The following RAB11FIP4 variants were observed in gnomAD, a reference collection of about 807,000 sequenced individuals.
RAB11FIP4 encodes RAB11 family interacting protein 4, also known as rab11 family-interacting protein 4.
A neutral mutation model predicts 74.3 loss-of-function variants in RAB11FIP4; 23 were observed. The observed-to-expected ratio is 0.31, with a 90% CI of 0.22 to 0.44. The LOEUF (loss-of-function observed/expected upper bound fraction) is 0.44, where lower values mean the gene tolerates loss of function less well. Among genes scored for constraint, RAB11FIP4 ranks in the 20% least tolerant of loss-of-function variants. The pLI is 1.00. For synonymous variants in RAB11FIP4, 360 were observed against 359.9 expected (o/e 1.00, Z 0.00); for missense variants, 630 against 863.9 (o/e 0.73, Z 3.39).
At chr17:31,495,511 T>A (rs1354227945) in intron 3 of RAB11FIP4, among the ~76,000 whole-genome samples, 1 of 151,570 alleles carries the variant, frequency 6.6e-6, no homozygotes, top group Non-Finnish European at 1.5e-5. Flanking sequence ...AGTAGCTGGG[T>A]GCACCACCAC....
At chr17:31,499,171 G>A (rs938201561) in intron 3 of RAB11FIP4, among the ~76,000 whole-genome samples, 14 of 152,200 alleles carry the variant, frequency 9.2e-5, no homozygotes, top group South Asian at 4.2e-4. Context: ...TAGGCATTTG[G>A]GAAATCTTTT....
intron 3 of RAB11FIP4, among the ~76,000 whole-genome samples, chr17:31,477,202 A>G (rs746126306): frequency 7.9e-5 from 12 of 152,154 alleles, no homozygotes; most frequent in Non-Finnish European, 1.5e-4. Context: ...TGTCCTTCCA[A>G]CCCCAGAACA....
At chr17:31,430,352 A>ATTT (rs56078412) in intron 1 of RAB11FIP4, among the ~76,000 whole-genome samples, 72 of 111,758 alleles carry the variant, frequency 6.4e-4, no homozygotes, top group Middle Eastern at 4.9e-3. Flanking sequence ...TGGAGTTTGG[A>ATTT]TTTTTTTTTT....
chr17:31,498,083 T>G (rs899130324), intron 3 of RAB11FIP4, among the ~76,000 whole-genome samples: 6 of 152,054 alleles, frequency 3.9e-5, no homozygotes, highest in Non-Finnish European at 8.8e-5. Context: ...TGGAAGGGGC[T>G]TTGCGAGCTG....
chr17:31,463,012 G>C (rs9899096), intron 3 of RAB11FIP4, among the ~76,000 whole-genome samples: 3,961 of 152,206 alleles, frequency 0.026, 161 homozygotes, highest in African/African-American at 0.089. Flanking sequence ...CCTTGATTGG[G>C]TTCTGATCAT....
Position 31,512,200 on chromosome 17 carries a change from T to C in RAB11FIP4, c.337-5451T>C, listed in dbSNP as rs964746174. Among the ~76,000 whole-genome samples the C allele has an allele frequency of 3.3e-5, 5 of 152,094 alleles. No homozygotes were observed. The highest frequency in any genetic ancestry group is 4.8e-5 in the African/African-American group (2 of 41,412). ...CTCACCCTCTGTTGCCTGTAGCCCCTCGTGAGGCCAGGTCAGAATTTACGG... is the reference window on the plus strand; with the variant it reads ...CTCACCCTCTGTTGCCTGTAGCCCCCCGTGAGGCCAGGTCAGAATTTACGG... On this transcript the variant is annotated intron_variant, in intron 3 of 14. Transcript: ENST00000621161. This position sits in a 1 kb window ranked among gnomAD's most constrained non-coding sequence, Gnocchi z 4.1.
chr17:31,464,474 G>A (rs773938432), intron 3 of RAB11FIP4, among the ~76,000 whole-genome samples: 8 of 152,116 alleles, frequency 5.3e-5, no homozygotes, highest in Non-Finnish European at 8.8e-5. Flanking sequence ...TCTTTGAGAC[G>A]GAATTTCGCT....
intron 1 of RAB11FIP4, among the ~76,000 whole-genome samples, chr17:31,427,389 C>T (rs1454226391): frequency 6.6e-6 from 1 of 152,172 alleles, no homozygotes; most frequent in Non-Finnish European, 1.5e-5. Flanking sequence ...GTGGGTGCTT[C>T]GGGGACCATG....
At chr17:31,451,853 C>T (rs1384685284) in intron 3 of RAB11FIP4, among the ~76,000 whole-genome samples, 1 of 151,742 alleles carries the variant, frequency 6.6e-6, no homozygotes, top group African/African-American at 2.4e-5. Context: ...TGCCAGAGCA[C>T]CCTGCTTATT....
intron 1 of RAB11FIP4, among the ~76,000 whole-genome samples, chr17:31,412,888 AAACT>A (rs112437013): frequency 0.015 from 2,314 of 152,282 alleles, 56 homozygotes; most frequent in African/African-American, 0.052. Flanking sequence ...ACAGGCAAAA[AAACT>A]GAGGCTCAGA....
At chr17:31,466,297 G>A (rs2071685716) in intron 3 of RAB11FIP4, among the ~76,000 whole-genome samples, 1 of 152,112 alleles carries the variant, frequency 6.6e-6, no homozygotes, top group African/African-American at 2.4e-5. Flanking sequence ...CAGGCAGCCC[G>A]GGATTGATTC....
chr17:31,464,908 G>C (rs879591302), intron 3 of RAB11FIP4, among the ~76,000 whole-genome samples: 1 of 151,512 alleles, frequency 6.6e-6, no homozygotes, highest in Non-Finnish European at 1.5e-5. Flanking sequence ...CTACAGGCAC[G>C]TACCATCATG....
chr17:31,463,144 A>G (rs2071649148), intron 3 of RAB11FIP4, among the ~76,000 whole-genome samples: 1 of 152,228 alleles, frequency 6.6e-6, no homozygotes, highest in Non-Finnish European at 1.5e-5. Flanking sequence ...CCACCAGAGC[A>G]TAGTCCCATT....
chr17:31,420,334 G>A (rs543134203), intron 1 of RAB11FIP4, among the ~76,000 whole-genome samples: 23 of 152,096 alleles, frequency 1.5e-4, no homozygotes, highest in African/African-American at 4.8e-4. Flanking sequence ...TGGCTCAAGC[G>A]ATCCTCCCAC....
chr17:31,444,649 C>T (rs1026497267), intron 3 of RAB11FIP4, among the ~76,000 whole-genome samples: 3 of 152,154 alleles, frequency 2.0e-5, no homozygotes, highest in Admixed American at 1.3e-4. Flanking sequence ...AACCCTGACG[C>T]CCAAGTCCAC....
intron 1 of RAB11FIP4, among the ~76,000 whole-genome samples, chr17:31,428,736 T>C (rs569656770): frequency 2.0e-4 from 30 of 152,126 alleles, no homozygotes; most frequent in South Asian, 1.0e-3. Context: ...CTTGTATGGG[T>C]GCTGTGGGAG....
chr17:31,448,119 CTT>C (rs1169982257), intron 3 of RAB11FIP4, among the ~76,000 whole-genome samples: 1 of 152,196 alleles, frequency 6.6e-6, no homozygotes, highest in Non-Finnish European at 1.5e-5. Context: ...GCGGGAAAGA[CTT>C]TTTAAATTGT....
At chr17:31,527,549 G>C in intron 10 of RAB11FIP4, 1 of 315,500 alleles carries the variant, frequency 3.2e-6, no homozygotes, top group Non-Finnish European at 5.8e-6. Context: ...AGCTGAGATT[G>C]TGCCACCTCA....
chr17:31,430,461 C>T lies in RAB11FIP4; in HGVS notation c.160-1352C>T, dbSNP rs949115900. Among the ~76,000 whole-genome samples, 3 of 150,440 alleles carry T rather than the reference C, an allele frequency of 2.0e-5. No homozygotes were observed. In the Admixed American group the frequency reaches 2.0e-4, roughly 10 times the overall value. ...CAACCTCTGCCTCCCAGGTTCATGCCATTCTCCTGCCTCAGCCTCCCGAGT... is the reference window on the plus strand; with the variant it reads ...CAACCTCTGCCTCCCAGGTTCATGCTATTCTCCTGCCTCAGCCTCCCGAGT... On this transcript the variant is annotated intron_variant, in intron 1 of 14. Coordinates refer to ENST00000621161, the MANE Select transcript of RAB11FIP4 (RefSeq NM_032932.6).
Sources: allele counts gnomAD v4.1 joint callset (sites outside exome capture counted in the v4.1 genomes callset), GRCh38; gene constraint gnomAD v4.1.1; non-coding constraint Gnocchi (gnomAD v3.1); transcripts MANE v1.5; gene names NCBI Gene and HGNC (gene_info 2026-07-23, HGNC 2026-07-21).